The following PABIR3 variants were observed in gnomAD, a reference collection of about 807,000 sequenced individuals.
PABIR3 encodes PABIR family member 1.
PABIR3 carries 20 observed loss-of-function variants against 23.1 expected under a neutral mutation model. That is an observed-to-expected ratio of 0.86 (90% CI 0.61 to 1.26). PABIR3 has a LOEUF of 1.26. Among genes scored for constraint, PABIR3 ranks in the 50% most tolerant of loss-of-function variants. The pLI, the probability that PABIR3 is intolerant of heterozygous loss-of-function variation, is 0.00. For missense variants in PABIR3, 189 were observed against 195.4 expected (o/e 0.97, Z 0.20); for synonymous variants, 69 against 68.5 (o/e 1.01, Z -0.04).
the PABIR3 span, among the ~76,000 whole-genome samples, chrX:134,860,947 T>C: frequency 9.1e-6 from 1 of 109,920 alleles, no homozygotes; most frequent in African/African-American, 3.3e-5. Flanking sequence ...GAATGGGGAG[T>C]TATTAACGGG....
chrX:134,845,248 G>A lies in PABIR3; in HGVS notation c.290G>A (p.Trp97Ter), dbSNP rs1429359854. 5.9e-6 allele frequency: 7 copies of A among 1,187,361 alleles called. No homozygotes were observed. Among genetic ancestry groups the A allele is most frequent in the Non-Finnish European group, 6.8e-6 (6 of 879,875 alleles). The change falls in exon 5 of 11, where the codon TGG (tryptophan) becomes TAG (stop). Residue 97 changes from tryptophan to a stop codon, truncating the protein, a stop_gained and splice_region_variant. Transcript: ENST00000645433. LOFTEE classifies it high-confidence loss of function. ...ATAAATAGAGAAACAATGTCTGAAT[G>A]GTGAGTACTGTACTTTGAATTACTA... ...DLINRETMSE[W>*]KLQSEIQISH... is the part of the protein sequence containing the mutation.
intron 4 of PABIR3, among the ~76,000 whole-genome samples, chrX:134,830,110 G>A (rs1008252672): frequency 5.4e-5 from 6 of 110,835 alleles, no homozygotes; most frequent in African/African-American, 2.0e-4. Context: ...GTTGGTGAAT[G>A]TCAGAGCCAA....
At chrX:134,834,400 T>C (rs750023767) in intron 4 of PABIR3, among the ~76,000 whole-genome samples, 52 of 112,400 alleles carry the variant, frequency 4.6e-4, no homozygotes, top group Non-Finnish European at 8.1e-4. Context: ...TTGTAGATTC[T>C]GGATATTAGA....
At chrX:134,801,099 A>G (rs1419080984) in intron 1 of PABIR3, among the ~76,000 whole-genome samples, 3 of 112,629 alleles carry the variant, frequency 2.7e-5, no homozygotes, top group Non-Finnish European at 5.6e-5. Context: ...CTGTTGTTTT[A>G]CCATGAGTTT....
downstream of PABIR3, among the ~76,000 whole-genome samples, chrX:134,856,728 C>T (rs2082752028): frequency 9.0e-6 from 1 of 110,736 alleles, no homozygotes; most frequent in African/African-American, 3.3e-5. Flanking sequence ...TATGGTAAGG[C>T]GGCCGGGCAC....
At chrX:134,798,960 C>T (rs1449846735) in intron 1 of PABIR3, among the ~76,000 whole-genome samples, 1 of 112,411 alleles carries the variant, frequency 8.9e-6, no homozygotes, top group Non-Finnish European at 1.9e-5. Flanking sequence ...TGCAGTGTGA[C>T]TGTTTTTCCT....
At chrX:134,852,988 G>A in intron 10 of PABIR3, 92 bp downstream of exon 10, 5 of 470,199 alleles carry the variant, frequency 1.1e-5, no homozygotes, top group Non-Finnish European at 1.3e-5. Flanking sequence ...CAGAAGTATG[G>A]TACATTATTA....
chrX:134,834,105 AG>A (rs1431079816), intron 4 of PABIR3: 1 of 112,145 alleles, frequency 8.9e-6, no homozygotes, highest in Non-Finnish European at 1.9e-5. Flanking sequence ...CGTCTTCCAC[AG>A]TGGTTGAACT....
intron 3 of PABIR3, among the ~76,000 whole-genome samples, chrX:134,819,533 G>T (rs1485635386): frequency 9.0e-6 from 1 of 111,304 alleles, no homozygotes; most frequent in Non-Finnish European, 1.9e-5. Flanking sequence ...GAATTTTCTA[G>T]GAGAATGACA....
rs183498239 is a variant in PABIR3, at chrX:134,809,412, A to G, written c.110+1704A>G. The G allele has an allele frequency of 6.6e-3, 3,384 of 516,554 alleles. 85 individuals are homozygous for G. The African/African-American group carries it at 0.076, about 12-fold the overall frequency. 42.6% of individuals were successfully genotyped at this position (516,554 alleles called of 1,213,427 possible). A position where few individuals can be genotyped will look rare whatever the true frequency, so the allele number is the denominator to read the frequency against. ...GATCTCCTGACCTTGTGATCCGCCC[A>G]CCTTGGCCTCCCAAAGTGTTGGGAT... On this transcript the variant is annotated intron_variant, in intron 2 of 10. Coordinates refer to ENST00000645433, the MANE Select transcript of PABIR3 (RefSeq NM_001388447.1).
intron 2 of PABIR3, among the ~76,000 whole-genome samples, chrX:134,808,352 G>A (rs2080376094): frequency 9.2e-6 from 1 of 108,260 alleles, no homozygotes; most frequent in Admixed American, 9.8e-5. Context: ...ACCACACCTG[G>A]TAATTTTTTG....
At chrX:134,815,157 C>T (rs986373234) in intron 3 of PABIR3, among the ~76,000 whole-genome samples, 2 of 109,665 alleles carry the variant, frequency 1.8e-5, no homozygotes, top group East Asian at 5.6e-4. Flanking sequence ...GATTTAACAT[C>T]GAGATTTTAT....
At chrX:134,829,376 A>G in intron 4 of PABIR3, 94 bp downstream of exon 4, 4 of 698,831 alleles carry the variant, frequency 5.7e-6, no homozygotes, top group African/African-American at 2.2e-5. Flanking sequence ...ATTCTAAGTG[A>G]GGTCACGTGT....
At chrX:134,800,890 C>T (rs1375079789) in intron 1 of PABIR3, among the ~76,000 whole-genome samples, 1 of 112,083 alleles carries the variant, frequency 8.9e-6, no homozygotes, top group Non-Finnish European at 1.9e-5. Flanking sequence ...CTAGAACTGC[C>T]CGAAAGGTAA....
chrX:134,814,800 T>G lies in PABIR3; in HGVS notation c.140T>G (p.Met47Arg). 1 of 1,201,289 alleles carries G rather than the reference T, an allele frequency of 8.3e-7. No individual in the cohort carries two copies. Among genetic ancestry groups the G allele is most frequent in the Non-Finnish European group, 1.1e-6 (1 of 890,575 alleles). ...AATTCACAGGTGTTGCAAGCTGACA[T>G]GTTAAGAATTAGGACAAACAGAACA... is the stretch of plus-strand genomic sequence containing the variant. ...GFNSQVLQADMLRIRTNRTTF... is the reference protein window; with the variant it reads ...GFNSQVLQADRLRIRTNRTTF... The change falls in exon 3 of 11, where the codon ATG (methionine) becomes AGG (arginine). Residue 47 changes from methionine to arginine, a missense_variant. Met to Arg is a moderately conservative substitution (Grantham distance 91, BLOSUM62 -1). Transcript: ENST00000645433.
At chrX:134,861,655 C>T in the PABIR3 span, among the ~76,000 whole-genome samples, 316 of 86,145 alleles carry the variant, frequency 3.7e-3, 3 homozygotes, top group African/African-American at 0.014. Context: ...GCCTGGGCAA[C>T]ACAGCGAGAC....
chrX:134,848,104 G>A (rs1603246068), intron 8 of PABIR3, 133 bp downstream of exon 8: 1 of 580,470 alleles, frequency 1.7e-6, no homozygotes, highest in Non-Finnish European at 2.6e-6. Flanking sequence ...AAATGTCATT[G>A]TTTCGGCTGG....
At chrX:134,861,675 A>G in the PABIR3 span, among the ~76,000 whole-genome samples, 12 of 99,678 alleles carry the variant, frequency 1.2e-4, no homozygotes, top group Admixed American at 1.1e-3. Context: ...CTCCGCCTCA[A>G]AAAAAAAAAA....
rs373160558 is a variant in PABIR3, at chrX:134,830,931, T to C, written c.246+1649T>C. Among the ~76,000 whole-genome samples, 14 of 111,473 alleles carry C rather than the reference T, an allele frequency of 1.3e-4. No homozygotes were observed. The South Asian group carries it at 5.2e-3, about 41-fold the overall frequency. On this transcript the variant is annotated intron_variant, in intron 4 of 10. Coordinates refer to ENST00000645433, the MANE Select transcript of PABIR3 (RefSeq NM_001388447.1). The stretch of plus-strand genomic sequence containing the variant: ...GTATTATAAATATTTAAAAATGAAA[T>C]ATAAGTAGAAAATGAATGAGATGGG...
Sources: allele counts gnomAD v4.1 joint callset (sites outside exome capture counted in the v4.1 genomes callset), GRCh38; gene constraint gnomAD v4.1.1; transcripts MANE v1.5; gene names NCBI Gene and HGNC (gene_info 2026-07-23, HGNC 2026-07-21).